CGAS: variants seen among roughly 807,000 people sequenced by gnomAD.
CGAS encodes cyclic GMP-AMP synthase.
A neutral mutation model predicts 34.0 loss-of-function variants in CGAS; 31 were observed. The observed-to-expected ratio is 0.91, with a 90% CI of 0.69 to 1.23. The LOEUF (loss-of-function observed/expected upper bound fraction) is 1.23, where lower values mean the gene tolerates loss of function less well. CGAS is among the 50% of genes most tolerant of loss of function. The probability of loss-of-function intolerance (pLI) is 0.00; values close to 1 mark genes in which losing one functional copy is unlikely to be tolerated. For synonymous variants in CGAS, 266 were observed against 260.0 expected, an observed-to-expected ratio of 1.02 and a Z score of -0.22; for missense variants, 597 against 657.6, an observed-to-expected ratio of 0.91 and a Z score of 1.01.
chr6:73,451,272 T>G (rs184252577), intron 1 of CGAS, among the ~76,000 whole-genome samples: 1 of 152,148 alleles, frequency 6.6e-6, no homozygotes, highest in Admixed American at 6.6e-5. Context: ...AATGAACCCA[T>G]ACATTTGAAT....
rs1238219579 is a variant in CGAS at position 73,451,933 on chromosome 6, CT to C, written c.248del (p.Lys83ArgfsTer90). On this transcript the variant is annotated frameshift_variant, in exon 1 of 5. Coordinates refer to ENST00000370315, the MANE Select transcript of CGAS (RefSeq NM_138441.3). LOFTEE classifies it high-confidence loss of function. ...GCGTGTCCTGGGCGCGCTGAGGGGC[CT>C]TTTTGGCGCGGGCCCCAGTTGCGCG... Reference protein sequence around the residue: ...PVRATGARAKKAPQRAQDTQP... With the variant: ...PVRATGARAKXAPQRAQDTQP... 1.3e-6 allele frequency: 2 copies of C among 1,501,338 alleles called. No homozygotes were observed. The highest frequency in any genetic ancestry group is 1.3e-5 in the South Asian group (1 of 78,444). 93.0% of individuals were successfully genotyped at this position (1,501,338 alleles called of 1,614,324 possible).
intron 3 of CGAS, among the ~76,000 whole-genome samples, chr6:73,435,078 C>T (rs1770259798): frequency 6.6e-6 from 1 of 151,996 alleles, no homozygotes; most frequent in African/African-American, 2.4e-5. Context: ...GTCCCAGTTA[C>T]TTGATAAGGT....
chr6:73,445,474 T>C, intron 2 of CGAS, 54 bp downstream of exon 2: 1 of 1,287,242 alleles, frequency 7.8e-7, no homozygotes, highest in Non-Finnish European at 1.1e-6. Flanking sequence ...GAGTGTACAT[T>C]GGCAATTACT....
intron 1 of CGAS, 59 bp downstream of exon 1, chr6:73,451,466 A>G (rs903565560): frequency 6.7e-7 from 1 of 1,493,698 alleles, no homozygotes; most frequent in Non-Finnish European, 9.0e-7. Flanking sequence ...GAAGGTAGGG[A>G]CTGCGGATTG....
At chr6:73,431,394 C>T (rs545773020) in intron 3 of CGAS, among the ~76,000 whole-genome samples, 8 of 151,956 alleles carry the variant, frequency 5.3e-5, no homozygotes, top group African/African-American at 1.4e-4. Flanking sequence ...TCACTTAAAC[C>T]TGGGAGGCGC....
chr6:73,429,670 C>CA lies in CGAS; in HGVS notation c.1115-860dup, dbSNP rs1016230516. The stretch of plus-strand genomic sequence containing the variant: ...TGAAACCCTGCCTCTACCAAAAATA[C>CA]AAAAAATTAGCCGGGCGTGGTGGCG... On this transcript the variant is annotated intron_variant, in intron 3 of 4. Coordinates refer to ENST00000370315, the MANE Select transcript of CGAS (RefSeq NM_138441.3). 1.5e-3 allele frequency among the ~76,000 whole-genome samples: 218 copies of CA among 144,026 alleles called. 1 individual carries two copies. The highest frequency in any genetic ancestry group is 5.0e-3 in the African/African-American group (200 of 40,182). The allele number at this position is 144,026 out of a possible 152,430, so 94.5% of individuals were successfully genotyped here.
At chr6:73,429,582 C>T (rs190248358) in intron 3 of CGAS, among the ~76,000 whole-genome samples, 2,311 of 152,026 alleles carry the variant, frequency 0.015, 25 homozygotes, top group Middle Eastern at 0.051. Context: ...ATCCCAGCAC[C>T]TTGGGAGGCC....
chr6:73,445,483 C>G (rs1159653519), intron 2 of CGAS, 45 bp downstream of exon 2: 1 of 1,370,564 alleles, frequency 7.3e-7, no homozygotes, highest in Non-Finnish European at 1.0e-6. Flanking sequence ...TTGGCAATTA[C>G]TAGGTATAAT....
At chr6:73,426,343 TG>T in intron 4 of CGAS, among the ~76,000 whole-genome samples, 1 of 135,908 alleles carries the variant, frequency 7.4e-6, no homozygotes, top group African/African-American at 2.9e-5. Context: ...TGAAATGAAA[TG>T]AAATGATAAA....
chr6:73,449,948 A>G (rs548538225), intron 1 of CGAS, among the ~76,000 whole-genome samples: 1 of 151,978 alleles, frequency 6.6e-6, no homozygotes, highest in African/African-American at 2.4e-5. Context: ...CGAAACCTAG[A>G]TGGCACCACT....
chr6:73,440,455 C>T lies in CGAS; in HGVS notation c.878-10G>A. 3 of 1,578,896 alleles carry T rather than the reference C, an allele frequency of 1.9e-6. No homozygotes were observed. The highest frequency in any genetic ancestry group is 2.6e-6 in the Non-Finnish European group (3 of 1,160,744). On this transcript the variant is annotated splice_polypyrimidine_tract_variant and intron_variant, in intron 2 of 4. Coordinates refer to ENST00000370315, the MANE Select transcript of CGAS (RefSeq NM_138441.3). ...ATGATGACATCTGTATCTGGTTGAACATATAAAAGAAAAGAAAGTATTTAT... is the reference window on the plus strand; with the variant it reads ...ATGATGACATCTGTATCTGGTTGAATATATAAAAGAAAAGAAAGTATTTAT...
Position 73,423,828 on chromosome 6 carries a change from TAA to T in CGAS, c.*1397_*1398del, listed in dbSNP as rs1337733792. The T allele has an allele frequency of 6.6e-6, 1 of 152,098 alleles. No homozygotes were observed. 9.4% of individuals were successfully genotyped at this position (152,098 alleles called of 1,614,324 possible). A position where few individuals can be genotyped will look rare whatever the true frequency, so the allele number is the denominator to read the frequency against. Reference sequence around the variant, plus strand: ...TACAAAACAAAAAAACCTTGTTTACTAAAAGACACCAAAAAATGTGCAGACAA... The same window carrying T: ...TACAAAACAAAAAAACCTTGTTTACTAAGACACCAAAAAATGTGCAGACAA... On this transcript the variant is annotated 3_prime_UTR_variant, in exon 5 of 5. Transcript: ENST00000370315.
chr6:73,425,906 G>A (rs369964926), intron 4 of CGAS, among the ~76,000 whole-genome samples: 3 of 151,608 alleles, frequency 2.0e-5, no homozygotes, highest in Non-Finnish European at 2.9e-5. Flanking sequence ...GCCAGGAGGC[G>A]GAGGTTGCAG....
intron 1 of CGAS, among the ~76,000 whole-genome samples, chr6:73,451,320 A>AGGT: frequency 6.6e-6 from 1 of 152,340 alleles, no homozygotes; most frequent in South Asian, 2.1e-4. Flanking sequence ...GCCAGCAATC[A>AGGT]GTACCGGTTG....
At chr6:73,434,367 T>G (rs959467762) in intron 3 of CGAS, among the ~76,000 whole-genome samples, 3 of 152,196 alleles carry the variant, frequency 2.0e-5, no homozygotes, top group African/African-American at 7.2e-5. Context: ...AGGTGGCACG[T>G]ACCGTTGATA....
At chr6:73,436,087 G>A (rs1255545651) in intron 3 of CGAS, among the ~76,000 whole-genome samples, 1 of 151,826 alleles carries the variant, frequency 6.6e-6, no homozygotes, top group Non-Finnish European at 1.5e-5. Context: ...ACTGAGACGG[G>A]AGGATCACTT....
At chr6:73,439,139 C>T (rs531929221) in intron 3 of CGAS, among the ~76,000 whole-genome samples, 1 of 152,124 alleles carries the variant, frequency 6.6e-6, no homozygotes, top group South Asian at 2.1e-4. Flanking sequence ...TTTATGGTCT[C>T]CTTCAATTTC....
At chr6:73,433,507 T>G (rs1770227166) in intron 3 of CGAS, among the ~76,000 whole-genome samples, 1 of 151,650 alleles carries the variant, frequency 6.6e-6, no homozygotes, top group African/African-American at 2.4e-5. Context: ...AATTTTTTTT[T>G]GAGACGGAGT....
At chr6:73,450,246 G>A (rs1395383278) in intron 1 of CGAS, among the ~76,000 whole-genome samples, 2 of 151,712 alleles carry the variant, frequency 1.3e-5, no homozygotes, top group African/African-American at 2.4e-5. Flanking sequence ...GAGAAAGCCC[G>A]TCTCTACTAA....
Sources: gnomAD v4.1 joint callset for allele counts (sites outside exome capture counted in the v4.1 genomes callset) on GRCh38, gnomAD v4.1.1 for gene constraint, MANE v1.5 for transcripts, NCBI Gene and HGNC (gene_info 2026-07-23, HGNC 2026-07-21) for gene names.